The following BCL7B variants were observed in gnomAD, a reference collection of about 807,000 sequenced individuals.
BCL7B encodes the protein B-cell CLL/lymphoma 7 protein family member B.
In BCL7B, 11 loss-of-function variants were observed where a neutral mutation model predicts 26.5. The ratio of observed to expected loss-of-function variants is 0.42; its 90% CI spans 0.26 to 0.69. The LOEUF is 0.69. Among genes scored for constraint, BCL7B ranks in the 30% least tolerant of loss-of-function variants. The pLI is 0.28. For missense variants in BCL7B, 215 were observed against 264.4 expected, an observed-to-expected ratio of 0.81 and a Z score of 1.30; for synonymous variants, 111 against 107.9, an observed-to-expected ratio of 1.03 and a Z score of -0.18.
intron 3 of BCL7B, among the ~76,000 whole-genome samples, chr7:73,543,284 C>G (rs1554583128): frequency 6.6e-6 from 1 of 151,686 alleles, no homozygotes; most frequent in Admixed American, 6.6e-5. Context: ...TTAAGCGATT[C>G]TCCTGTCTCA....
chr7:73,547,869 G>C (rs1020678864), intron 2 of BCL7B, among the ~76,000 whole-genome samples: 2 of 152,152 alleles, frequency 1.3e-5, no homozygotes, highest in Non-Finnish European at 2.9e-5. Flanking sequence ...TGTTACCCCA[G>C]CACTTTGGGA....
intron 1 of BCL7B, among the ~76,000 whole-genome samples, chr7:73,553,129 G>C (rs528286824): frequency 2.0e-5 from 3 of 149,392 alleles, no homozygotes; most frequent in Non-Finnish European, 4.5e-5. Flanking sequence ...GGTGGGGTGG[G>C]GGTGGGGGGT....
Position 73,552,611 on chromosome 7 carries a change from G to A in BCL7B, c.93-369C>T, listed in dbSNP as rs369750511. Among the ~76,000 whole-genome samples, 17 of 151,460 alleles carry A rather than the reference G, an allele frequency of 1.1e-4. No individual in the cohort carries two copies. In the South Asian group the frequency reaches 2.9e-3, roughly 26 times the overall value. ...CCGGCCAACATGGTGAAACTCTGTC[G>A]CTACAAAAAAAAAACAAAAAGTAGC... On this transcript the variant is annotated intron_variant, in intron 1 of 5. Coordinates refer to ENST00000223368, the MANE Select transcript of BCL7B (RefSeq NM_001707.4).
chr7:73,552,380 G>T, intron 1 of BCL7B, 138 bp from the exon 2 acceptor site: 1 of 709,920 alleles, frequency 1.4e-6, no homozygotes, highest in Non-Finnish European at 2.4e-6. Flanking sequence ...GGGTATGGTA[G>T]CTCACACCTG....
chr7:73,548,195 G>A (rs544247286), intron 2 of BCL7B, among the ~76,000 whole-genome samples: 33 of 151,468 alleles, frequency 2.2e-4, no homozygotes, highest in Non-Finnish European at 2.9e-5. Context: ...TTCGGAAGGC[G>A]GAGGTGGGCA....
chr7:73,537,214 G>A lies in BCL7B; in HGVS notation c.*84C>T. ...GTGCAGGCTCTTGACCCCAGTGCTTGCCCTTACCCCAGCAACGCGGCGCGG... is the reference window on the plus strand; with the variant it reads ...GTGCAGGCTCTTGACCCCAGTGCTTACCCTTACCCCAGCAACGCGGCGCGG... On this transcript the variant is annotated 3_prime_UTR_variant, in exon 6 of 6. Coordinates refer to ENST00000223368, the MANE Select transcript of BCL7B (RefSeq NM_001707.4). The A allele has an allele frequency of 1.4e-6, 2 of 1,379,782 alleles. No homozygotes were observed. Among genetic ancestry groups the A allele is most frequent in the Non-Finnish European group, 2.0e-6 (2 of 978,246 alleles). 85.5% of individuals were successfully genotyped at this position (1,379,782 alleles called of 1,614,324 possible).
At chr7:73,554,702 G>A (rs1554584526) in intron 1 of BCL7B, among the ~76,000 whole-genome samples, 3 of 151,598 alleles carry the variant, frequency 2.0e-5, no homozygotes, top group Non-Finnish European at 4.4e-5. Flanking sequence ...GGAGGCTGAG[G>A]CGGAAGAACT....
intron 1 of BCL7B, chr7:73,556,979 G>T: frequency 1.0e-6 from 1 of 988,454 alleles, no homozygotes. Context: ...GAAAGGGAGG[G>T]GTATCCCTCT....
intron 1 of BCL7B, 82 bp from the exon 2 acceptor site, chr7:73,552,324 C>T: frequency 9.1e-7 from 1 of 1,101,084 alleles, no homozygotes. Flanking sequence ...TACTACTCAG[C>T]AGATCATTCC....
intron 2 of BCL7B, chr7:73,543,848 C>T: frequency 1.9e-6 from 1 of 520,212 alleles, no homozygotes; most frequent in Non-Finnish European, 3.5e-6. Context: ...TGAACCCTTC[C>T]AGCAGGAATA....
Position 73,537,958 on chromosome 7 carries a change from T to C in BCL7B, c.492A>G (p.Glu164=), listed in dbSNP as rs1554582355. 6.2e-7 allele frequency: 1 copy of C among 1,601,446 alleles called. No individual in the cohort carries two copies. The highest frequency in any genetic ancestry group is 1.7e-5 in the Admixed American group (1 of 57,198). Residue 164 remains glutamate, a synonymous_variant, in exon 5 of 6, where the codon GAA becomes GAG. Coordinates refer to ENST00000223368, the MANE Select transcript of BCL7B (RefSeq NM_001707.4). ...VADEPPTLTK[E]EPVPLETQVV... is the part of the protein sequence containing the mutation. Reference sequence around the variant, plus strand: ...CCTGTGTCTCTAGTGGAACTGGTTCTTCCTTGGTGAGGGTAGGAGGTTCAT... The same window carrying C: ...CCTGTGTCTCTAGTGGAACTGGTTCCTCCTTGGTGAGGGTAGGAGGTTCAT...
In BCL7B at chr7:73,536,999, C is replaced by G. The variant is rs1196971794; in HGVS notation, c.*299G>C. Reference sequence around the variant, plus strand: ...CTGCCAGCAGCTCCGTCCAGAGATTCTGGAGCAGAGACTGCTGCCTGGAGG... The same window carrying G: ...CTGCCAGCAGCTCCGTCCAGAGATTGTGGAGCAGAGACTGCTGCCTGGAGG... On this transcript the variant is annotated 3_prime_UTR_variant, in exon 6 of 6. Transcript: ENST00000223368. 1 of 310,428 alleles carries G rather than the reference C, an allele frequency of 3.2e-6. No individual in the cohort carries two copies. Among genetic ancestry groups the G allele is most frequent in the Non-Finnish European group, 6.1e-6 (1 of 163,864 alleles). The allele number at this position is 310,428 out of a possible 1,614,324, so 19.2% of individuals were successfully genotyped here. A position where few individuals can be genotyped will look rare whatever the true frequency, so the allele number is the denominator to read the frequency against.
chr7:73,545,407 G>T (rs1231900224), intron 2 of BCL7B, among the ~76,000 whole-genome samples: 1 of 151,966 alleles, frequency 6.6e-6, no homozygotes, highest in East Asian at 1.9e-4. Flanking sequence ...TAGAGATGGG[G>T]TTTCACCATG....
intron 3 of BCL7B, among the ~76,000 whole-genome samples, chr7:73,542,379 G>A (rs1036088047): frequency 3.3e-5 from 5 of 152,126 alleles, no homozygotes; most frequent in Non-Finnish European, 7.4e-5. Flanking sequence ...ATAACTACAC[G>A]CTGGGTTAGC....
chr7:73,554,423 G>C (rs1171405625), intron 1 of BCL7B, among the ~76,000 whole-genome samples: 1 of 152,022 alleles, frequency 6.6e-6, no homozygotes, highest in African/African-American at 2.4e-5. Flanking sequence ...ACTTCTCAAA[G>C]AGTCAAGTCC....
intron 1 of BCL7B, among the ~76,000 whole-genome samples, chr7:73,554,581 T>C (rs1414727895): frequency 1.3e-5 from 2 of 151,766 alleles, no homozygotes; most frequent in African/African-American, 4.8e-5. Flanking sequence ...GTGGATCACT[T>C]GAGCCCAGGA....
At chr7:73,549,958 T>C (rs1444850413) in intron 2 of BCL7B, among the ~76,000 whole-genome samples, 4 of 152,204 alleles carry the variant, frequency 2.6e-5, no homozygotes, top group Non-Finnish European at 5.9e-5. Context: ...TGGGAAGAGC[T>C]GCAGAGAGGT....
intron 1 of BCL7B, among the ~76,000 whole-genome samples, chr7:73,556,395 C>CA (rs1368239860): frequency 2.0e-5 from 3 of 151,854 alleles, no homozygotes; most frequent in Admixed American, 1.3e-4. Context: ...AGGCTGGTCT[C>CA]AAACTCCTGG....
rs138977022 is a variant in BCL7B at position 73,537,176 on chromosome 7, G to T, written c.*122C>A. 3.5e-6 allele frequency: 3 copies of T among 862,336 alleles called. No homozygotes were observed. Among genetic ancestry groups the T allele is most frequent in the African/African-American group, 3.3e-5 (2 of 59,738 alleles). The allele number at this position is 862,336 out of a possible 1,614,324, so 53.4% of individuals were successfully genotyped here. A position where few individuals can be genotyped will look rare whatever the true frequency, so the allele number is the denominator to read the frequency against. On this transcript the variant is annotated 3_prime_UTR_variant, in exon 6 of 6. Transcript: ENST00000223368. ...AAGTCCTACGCCAGCCTTCCAGCCCGGAAGGCTCATGTGTGCAGGCTCTTG... is the reference window on the plus strand; with the variant it reads ...AAGTCCTACGCCAGCCTTCCAGCCCTGAAGGCTCATGTGTGCAGGCTCTTG...
Sources: gnomAD v4.1 joint callset for allele counts (sites outside exome capture counted in the v4.1 genomes callset) on GRCh38, gnomAD v4.1.1 for gene constraint, MANE v1.5 for transcripts, NCBI Gene and HGNC (gene_info 2026-07-23, HGNC 2026-07-21) for gene names.